The following SCARA5 variants were observed in gnomAD, a reference collection of about 807,000 sequenced individuals.
SCARA5 encodes scavenger receptor class A member 5, also known as scavenger receptor class A, member 5 (putative).
In SCARA5, 45 loss-of-function variants were observed where a neutral mutation model predicts 46.3. That is an observed-to-expected ratio of 0.97 (90% CI 0.76 to 1.24). The LOEUF (loss-of-function observed/expected upper bound fraction) is 1.24. SCARA5 is among the 50% of genes most tolerant of loss of function. The probability of loss-of-function intolerance (pLI) is 0.00; values close to 1 mark genes in which losing one functional copy is unlikely to be tolerated. For missense variants in SCARA5, 680 were observed against 689.0 expected (o/e 0.99, Z 0.15); for synonymous variants, 333 against 306.5 (o/e 1.09, Z -0.90).
intron 3 of SCARA5, among the ~76,000 whole-genome samples, chr8:27,929,419 A>G (rs1043621752): frequency 6.6e-6 from 1 of 152,114 alleles, no homozygotes; most frequent in Non-Finnish European, 1.5e-5. Flanking sequence ...TATGGGAGGG[A>G]AGAAGGAAGC....
intron 3 of SCARA5, among the ~76,000 whole-genome samples, chr8:27,932,328 C>A (rs748904083): frequency 1.3e-5 from 2 of 152,208 alleles, no homozygotes; most frequent in Non-Finnish European, 2.9e-5. Flanking sequence ...AATTACGAAG[C>A]TGGTCCTGAT....
intron 3 of SCARA5, among the ~76,000 whole-genome samples, chr8:27,930,482 A>G (rs1807752746): frequency 6.6e-6 from 1 of 151,552 alleles, no homozygotes; most frequent in Admixed American, 6.6e-5. Context: ...GGCTCACAGC[A>G]ACCTCCGCCT....
At chr8:27,967,476 C>T (rs749427805) in intron 2 of SCARA5, among the ~76,000 whole-genome samples, 16 of 152,066 alleles carry the variant, frequency 1.1e-4, no homozygotes, top group Non-Finnish European at 2.2e-4. Flanking sequence ...GATCCTCTCC[C>T]TGATGTTAGC....
At chr8:27,936,105 C>G (rs1298999566) in intron 3 of SCARA5, among the ~76,000 whole-genome samples, 3 of 152,070 alleles carry the variant, frequency 2.0e-5, no homozygotes, top group Non-Finnish European at 4.4e-5. Flanking sequence ...TAGCTTGGAG[C>G]GGCAGGAGAC....
chr8:27,987,179 T>C (rs1879674), intron 2 of SCARA5, among the ~76,000 whole-genome samples: 27,355 of 152,126 alleles, frequency 0.18, 3,077 homozygotes, highest in South Asian at 0.33. Context: ...TCAGAGGCCC[T>C]TGCCTGACCC....
At chr8:27,902,537 G>A (rs1243891187) in intron 7 of SCARA5, among the ~76,000 whole-genome samples, 2 of 152,240 alleles carry the variant, frequency 1.3e-5, no homozygotes, top group South Asian at 2.1e-4. Context: ...GCTGAAAGAA[G>A]AGCCACCAGA....
At chr8:27,912,003 C>A (rs1325127821) in intron 4 of SCARA5, among the ~76,000 whole-genome samples, 3 of 152,116 alleles carry the variant, frequency 2.0e-5, no homozygotes, top group African/African-American at 7.2e-5. Context: ...CCAGCAAGCA[C>A]CAGCAGCTGG....
intron 4 of SCARA5, among the ~76,000 whole-genome samples, chr8:27,914,477 C>G (rs1330654947): frequency 6.6e-6 from 1 of 152,232 alleles, no homozygotes; most frequent in East Asian, 1.9e-4. Flanking sequence ...CACTATCCCC[C>G]ACCTCGAACT....
At chr8:27,928,636 G>T (rs1807718653) in intron 3 of SCARA5, among the ~76,000 whole-genome samples, 1 of 151,952 alleles carries the variant, frequency 6.6e-6, no homozygotes. Flanking sequence ...ACACTTGTCT[G>T]TCTTTCTTTC....
intron 7 of SCARA5, among the ~76,000 whole-genome samples, chr8:27,886,291 C>G (rs898838568): frequency 6.6e-6 from 1 of 152,232 alleles, no homozygotes; most frequent in Non-Finnish European, 1.5e-5. Flanking sequence ...CCTGCCCCAG[C>G]AGGGTCAACA....
chr8:27,961,766 G>A (rs1352178495), intron 3 of SCARA5, among the ~76,000 whole-genome samples: 3 of 152,148 alleles, frequency 2.0e-5, no homozygotes, highest in Non-Finnish European at 4.4e-5. Context: ...TAACATGGTA[G>A]ATGTGTTAAT....
intron 3 of SCARA5, among the ~76,000 whole-genome samples, chr8:27,947,321 C>T (rs1041300933): frequency 6.6e-6 from 1 of 152,134 alleles, no homozygotes; most frequent in Non-Finnish European, 1.5e-5. Context: ...CTCTGTTGGA[C>T]TTCCAAGGGC....
At chr8:27,960,943 G>A (rs929918436) in intron 3 of SCARA5, among the ~76,000 whole-genome samples, 1 of 151,906 alleles carries the variant, frequency 6.6e-6, no homozygotes, top group Admixed American at 6.6e-5. Context: ...AAATGTTTGA[G>A]ACCACCAATC....
At chr8:27,976,804 C>T (rs962474877) in intron 2 of SCARA5, among the ~76,000 whole-genome samples, 11 of 152,058 alleles carry the variant, frequency 7.2e-5, no homozygotes, top group Admixed American at 3.9e-4. Context: ...CTCAGCAGGT[C>T]GGGGCAAAGA....
intron 3 of SCARA5, among the ~76,000 whole-genome samples, chr8:27,946,146 T>C (rs1246034124): frequency 6.6e-6 from 1 of 152,234 alleles, no homozygotes; most frequent in African/African-American, 2.4e-5. Flanking sequence ...AAGTCGTGGA[T>C]GAGCAATTAG....
At chr8:27,888,547 C>T (rs1806933056) in intron 7 of SCARA5, among the ~76,000 whole-genome samples, 1 of 152,190 alleles carries the variant, frequency 6.6e-6, no homozygotes, top group African/African-American at 2.4e-5. Context: ...TGCCTTTAAA[C>T]AGCCTTGCTT....
intron 3 of SCARA5, among the ~76,000 whole-genome samples, chr8:27,952,714 A>C (rs942440148): frequency 6.6e-6 from 1 of 152,210 alleles, no homozygotes; most frequent in African/African-American, 2.4e-5. Context: ...GTAGGGACCT[A>C]TCCTAAGGAA....
chr8:27,916,894 C>T (rs893942437), intron 4 of SCARA5, among the ~76,000 whole-genome samples: 16 of 152,072 alleles, frequency 1.1e-4, no homozygotes, highest in East Asian at 1.9e-4. Flanking sequence ...CAATGGTATC[C>T]GGAGGCAGGG....
chr8:27,912,007 C>T (rs1212291497), intron 4 of SCARA5, among the ~76,000 whole-genome samples: 2 of 152,122 alleles, frequency 1.3e-5, no homozygotes, highest in Admixed American at 6.6e-5. Flanking sequence ...CAAGCACCAG[C>T]AGCTGGGAAG....
Sources: gnomAD v4.1 joint callset for allele counts (sites outside exome capture counted in the v4.1 genomes callset) on GRCh38, gnomAD v4.1.1 for gene constraint, MANE v1.5 for transcripts, NCBI Gene and HGNC (gene_info 2026-07-23, HGNC 2026-07-21) for gene names.